Variants in HAUS1 observed in about 807,000 individuals in gnomAD.
HAUS1 encodes the protein HAUS augmin like complex subunit 1.
A neutral mutation model predicts 38.6 loss-of-function variants in HAUS1; 25 were observed. The ratio of observed to expected loss-of-function variants is 0.65; its 90% confidence interval spans 0.47 to 0.91. The LOEUF is 0.91. HAUS1 is among the 40% of genes least tolerant of loss of function. The pLI is 0.00. For synonymous variants in HAUS1, 109 were observed against 112.9 expected (o/e 0.97, Z 0.22); for missense variants, 325 against 328.4 (o/e 0.99, Z 0.08).
intron 4 of HAUS1, among the ~76,000 whole-genome samples, chr18:46,121,146 C>T (rs1911927839): frequency 6.6e-6 from 1 of 152,088 alleles, no homozygotes; most frequent in Non-Finnish European, 1.5e-5. Context: ...ATGTGCAAGG[C>T]ACTGTCATGT....
intron 2 of HAUS1, among the ~76,000 whole-genome samples, chr18:46,114,165 A>G (rs1911744821): frequency 6.6e-6 from 1 of 152,200 alleles, no homozygotes; most frequent in South Asian, 2.1e-4. Flanking sequence ...TGTCTTAACT[A>G]CAAACTAATT....
intron 8 of HAUS1, among the ~76,000 whole-genome samples, chr18:46,127,064 C>T (rs981076626): frequency 6.6e-6 from 1 of 151,822 alleles, no homozygotes; most frequent in Non-Finnish European, 1.5e-5. Context: ...GAACTCTTGA[C>T]CTCAGGTGAT....
chr18:46,105,674 T>C (rs544970585), intron 2 of HAUS1, among the ~76,000 whole-genome samples: 2 of 151,906 alleles, frequency 1.3e-5, no homozygotes, highest in East Asian at 1.9e-4. Context: ...CTCCATCTCC[T>C]GGGTTCAAGT....
At chr18:46,106,283 A>G (rs1911478194) in intron 2 of HAUS1, among the ~76,000 whole-genome samples, 1 of 152,034 alleles carries the variant, frequency 6.6e-6, no homozygotes, top group African/African-American at 2.4e-5. Flanking sequence ...ATCCTGGCTA[A>G]CACGGTGAAA....
intron 3 of HAUS1, among the ~76,000 whole-genome samples, chr18:46,119,452 A>G (rs555722471): frequency 6.6e-6 from 1 of 151,998 alleles, no homozygotes; most frequent in Non-Finnish European, 1.5e-5. Flanking sequence ...AGAATTTTTT[A>G]AACTTTTTTT....
intron 6 of HAUS1, 143 bp from the exon 7 acceptor site, chr18:46,124,679 C>T: frequency 2.1e-6 from 1 of 486,026 alleles, no homozygotes. Context: ...GTGAGTTTGT[C>T]TATCTTTGAA....
chr18:46,110,190 CTG>C (rs1354555386), intron 2 of HAUS1, among the ~76,000 whole-genome samples: 2 of 132,784 alleles, frequency 1.5e-5, no homozygotes, highest in African/African-American at 5.8e-5. Context: ...GAGTCTTGCT[CTG>C]TCACCCAGGC....
At chr18:46,106,284 C>T (rs1397257838) in intron 2 of HAUS1, among the ~76,000 whole-genome samples, 2 of 151,866 alleles carry the variant, frequency 1.3e-5, no homozygotes, top group African/African-American at 4.8e-5. Flanking sequence ...TCCTGGCTAA[C>T]ACGGTGAAAC....
chr18:46,126,537 G>A (rs186366085), intron 8 of HAUS1: 6 of 152,158 alleles, frequency 3.9e-5, no homozygotes, highest in Non-Finnish European at 7.4e-5. Context: ...TATAAAGAGT[G>A]TTGAACTTAG....
At chr18:46,116,534 C>T (rs1911801870) in intron 2 of HAUS1, among the ~76,000 whole-genome samples, 1 of 151,540 alleles carries the variant, frequency 6.6e-6, no homozygotes, top group Admixed American at 6.6e-5. Flanking sequence ...GTACTCCAGC[C>T]TGGGTGACAG....
chr18:46,113,031 A>ATATAATATATATATTCCATATTATATG (rs1911708700), intron 2 of HAUS1, among the ~76,000 whole-genome samples: 4 of 117,228 alleles, frequency 3.4e-5, no homozygotes, highest in African/African-American at 1.3e-4. Context: ...CATATTATAT[A>ATATAATATATATATTCCATATTATATG]TATAATATAT....
chr18:46,124,343 G>A (rs971451249), intron 6 of HAUS1, among the ~76,000 whole-genome samples: 1 of 151,594 alleles, frequency 6.6e-6, no homozygotes, highest in African/African-American at 2.4e-5. Flanking sequence ...CTTGAACTCA[G>A]GGGGCGGAGG....
At chr18:46,126,315 A>G (rs1461258978) in intron 8 of HAUS1, among the ~76,000 whole-genome samples, 1 of 152,162 alleles carries the variant, frequency 6.6e-6, no homozygotes, top group Non-Finnish European at 1.5e-5. Flanking sequence ...ATGCCTTTTA[A>G]AATTTTGTGT....
At chr18:46,126,891 A>T (rs1912124053) in intron 8 of HAUS1, 1 of 149,888 alleles carries the variant, frequency 6.7e-6, no homozygotes. Flanking sequence ...CTGGATTGCA[A>T]TGGCATGATC....
rs199606038 is a variant in HAUS1, at chr18:46,118,146, C to G, written c.206-35C>G. 3 of 1,604,488 alleles carry G rather than the reference C, an allele frequency of 1.9e-6. No individual in the cohort carries two copies. The East Asian group carries it at 6.7e-5, about 36-fold the overall frequency. On this transcript the variant is annotated intron_variant, in intron 2 of 8. Transcript: ENST00000282058. ...AAGCTGTTAAAAATTTTTAAAAAAG[C>G]AAACAGTCACTATGGAACTCTTTCA...
At chr18:46,113,079 T>TTATATGTATAATATATATATTCC (rs1568263765) in intron 2 of HAUS1, among the ~76,000 whole-genome samples, 1 of 89,350 alleles carries the variant, frequency 1.1e-5, no homozygotes, top group African/African-American at 4.6e-5. Flanking sequence ...ATATTCCATA[T>TTATATGTATAATATATATATTCC]ATATATATAT....
In HAUS1 at chr18:46,104,426, GGAGA is replaced by G; in HGVS notation, c.20_23del (p.Arg7LysfsTer8). The G allele has an allele frequency of 6.8e-7, 1 of 1,467,724 alleles. No individual in the cohort carries two copies. The allele number at this position is 1,467,724 out of a possible 1,614,324, so 90.9% of individuals were successfully genotyped here. A position where few individuals can be genotyped will look rare whatever the true frequency, so the allele number is the denominator to read the frequency against. ...GAGCCGCAGCTATGGAGCCGCAGGA[GGAGA>G]GAGAAACGCAGGTGATGGGGCGGGA... On this transcript the variant is annotated frameshift_variant, in exon 1 of 9. Coordinates refer to ENST00000282058, the MANE Select transcript of HAUS1 (RefSeq NM_138443.4). LOFTEE classifies it high-confidence loss of function.
At chr18:46,112,983 T>TGGA (rs1555697655) in intron 2 of HAUS1, among the ~76,000 whole-genome samples, 18 of 44,550 alleles carry the variant, frequency 4.0e-4, no homozygotes, top group South Asian at 1.2e-3. Context: ...ATATTATATA[T>TGGA]ATAATATATA....
chr18:46,112,879 A>T (rs566703186), intron 2 of HAUS1, among the ~76,000 whole-genome samples: 4 of 108,006 alleles, frequency 3.7e-5, no homozygotes, highest in South Asian at 2.6e-4. Context: ...TAATATATAT[A>T]ATGTGTATAT....
Sources: gnomAD v4.1 joint callset for allele counts (sites outside exome capture counted in the v4.1 genomes callset) on GRCh38, gnomAD v4.1.1 for gene constraint, MANE v1.5 for transcripts, NCBI Gene and HGNC (gene_info 2026-07-23, HGNC 2026-07-21) for gene names.